FAM107B: variants seen among roughly 807,000 people sequenced by gnomAD.
FAM107B encodes family with sequence similarity 107 member B.
A neutral mutation model predicts 31.5 loss-of-function variants in FAM107B; 21 were observed. The ratio of observed to expected loss-of-function variants is 0.67; its 90% confidence interval spans 0.47 to 0.96. The LOEUF is 0.96. Among genes scored for constraint, FAM107B ranks in the 40% least tolerant of loss-of-function variants. The pLI is 0.00. For synonymous variants in FAM107B, 157 were observed against 141.5 expected, an observed-to-expected ratio of 1.11 and a Z score of -0.78; for missense variants, 452 against 377.1, an observed-to-expected ratio of 1.20 and a Z score of -1.64.
intron 1 of FAM107B, among the ~76,000 whole-genome samples, chr10:14,681,073 TTCTC>T (rs1854822751): frequency 6.6e-6 from 1 of 152,210 alleles, no homozygotes; most frequent in South Asian, 2.1e-4. Context: ...CTAGGTGACT[TTCTC>T]TATCACTTCT....
In FAM107B at chr10:14,611,484, T is replaced by TTATA. The variant is rs3035276; in HGVS notation, c.469+56146_469+56149dup. On this transcript the variant is annotated intron_variant, in intron 2 of 4. Coordinates refer to ENST00000181796, the MANE Select transcript of FAM107B (RefSeq NM_031453.4). ...ATTAATAACTAGTTGAATGCCAGTT[T>TTATA]TATATATATATATATATATATATAT... Among the ~76,000 whole-genome samples, 435 of 124,550 alleles carry TTATA rather than the reference T, an allele frequency of 3.5e-3. 2 individuals are homozygous for TTATA. Among genetic ancestry groups the TTATA allele is most frequent in the Non-Finnish European group, 4.2e-3 (253 of 60,782 alleles). The allele number at this position is 124,550 out of a possible 152,430, so 81.7% of individuals were successfully genotyped here. A position where few individuals can be genotyped will look rare whatever the true frequency, so the allele number is the denominator to read the frequency against.
chr10:14,727,180 A>C (rs1856054851), intron 1 of FAM107B, among the ~76,000 whole-genome samples: 1 of 152,148 alleles, frequency 6.6e-6, no homozygotes, highest in Non-Finnish European at 1.5e-5. Context: ...GTAAATACAG[A>C]TGAAGCTTCA....
intron 1 of FAM107B, among the ~76,000 whole-genome samples, chr10:14,763,204 G>C (rs1833092680): frequency 6.6e-6 from 1 of 152,216 alleles, no homozygotes; most frequent in African/African-American, 2.4e-5. Flanking sequence ...AGAGGTTGCA[G>C]TGAGCTGAGA....
At chr10:14,725,356 T>G (rs532797661) in intron 1 of FAM107B, among the ~76,000 whole-genome samples, 1 of 152,214 alleles carries the variant, frequency 6.6e-6, no homozygotes, top group East Asian at 1.9e-4. Flanking sequence ...GCAAGGTTTG[T>G]AAACCACAGA....
intron 1 of FAM107B, among the ~76,000 whole-genome samples, chr10:14,756,106 T>C (rs1832924957): frequency 6.6e-6 from 1 of 152,188 alleles, no homozygotes; most frequent in African/African-American, 2.4e-5. Flanking sequence ...TTAATAAATG[T>C]TTATTGAACA....
rs902030182 is a variant in FAM107B at position 14,730,357 on chromosome 10, T to A, written c.411+43896A>T. ...CCACTGAACTATGGTGAGGGTGCCC[T>A]GACCCGACTCTTGCCCAAGATGATA... On this transcript the variant is annotated intron_variant, in intron 1 of 4. Coordinates refer to ENST00000181796, the MANE Select transcript of FAM107B (RefSeq NM_031453.4). Among the ~76,000 whole-genome samples the A allele has an allele frequency of 2.6e-5, 4 of 152,328 alleles. No homozygotes were observed. In the East Asian group the frequency reaches 7.7e-4, roughly 29 times the overall value.
chr10:14,667,451 G>T (rs995833555), intron 2 of FAM107B, among the ~76,000 whole-genome samples, 183 bp downstream of exon 2: 2 of 152,202 alleles, frequency 1.3e-5, no homozygotes, highest in African/African-American at 4.8e-5. Flanking sequence ...GCTATTTTCT[G>T]CATCACAACC....
rs116102155 is a variant in FAM107B at position 14,738,115 on chromosome 10, T to C, written c.411+36138A>G. Among the ~76,000 whole-genome samples the C allele has an allele frequency of 9.6e-3, 1,468 of 152,222 alleles. 22 individuals carry two copies. Among genetic ancestry groups the C allele is most frequent in the African/African-American group, 0.034 (1,402 of 41,514 alleles). ...AATGTACAGCAGCCAGGGAGGAAGA[T>C]TTCCCCATTCTGCAGCAAAGGAAGC... On this transcript the variant is annotated intron_variant, in intron 1 of 4. Transcript: ENST00000181796.
chr10:14,749,424 C>A (rs1832785692), intron 1 of FAM107B, among the ~76,000 whole-genome samples: 1 of 152,128 alleles, frequency 6.6e-6, no homozygotes, highest in Admixed American at 6.5e-5. Context: ...TCTGGCAGTG[C>A]CTTGTTCCTT....
chr10:14,772,728 C>T (rs1352976857), intron 1 of FAM107B, among the ~76,000 whole-genome samples: 1 of 152,104 alleles, frequency 6.6e-6, no homozygotes, highest in Non-Finnish European at 1.5e-5. Context: ...CGCTGTGGAC[C>T]ACCCATGGCT....
intron 2 of FAM107B, among the ~76,000 whole-genome samples, chr10:14,577,075 A>G (rs1851488177): frequency 6.6e-6 from 1 of 152,220 alleles, no homozygotes; most frequent in Non-Finnish European, 1.5e-5. Flanking sequence ...CCATTCACTG[A>G]CAGAACACTG....
intron 1 of FAM107B, among the ~76,000 whole-genome samples, chr10:14,719,816 G>T (rs1855869235): frequency 7.1e-6 from 1 of 141,426 alleles, no homozygotes; most frequent in Non-Finnish European, 1.6e-5. Flanking sequence ...TCATCCAAAG[G>T]GTGGGAGCTG....
intron 2 of FAM107B, among the ~76,000 whole-genome samples, chr10:14,656,900 C>A (rs1442496942): frequency 6.6e-6 from 1 of 152,192 alleles, no homozygotes; most frequent in Non-Finnish European, 1.5e-5. Context: ...AAGTTCCATG[C>A]CTCCATTCCC....
intron 2 of FAM107B, among the ~76,000 whole-genome samples, chr10:14,653,176 C>T (rs1853946401): frequency 6.6e-6 from 1 of 152,176 alleles, no homozygotes; most frequent in Admixed American, 6.5e-5. Context: ...CAATTAAGGC[C>T]AAATACTAGA....
intron 1 of FAM107B, among the ~76,000 whole-genome samples, chr10:14,696,317 G>T (rs1855264051): frequency 6.6e-6 from 1 of 152,182 alleles, no homozygotes; most frequent in Non-Finnish European, 1.5e-5. Flanking sequence ...TTAAAACCAG[G>T]CTTGCATGCT....
At chr10:14,625,225 G>GAA (rs36086660) in intron 2 of FAM107B, among the ~76,000 whole-genome samples, 6 of 117,710 alleles carry the variant, frequency 5.1e-5, no homozygotes, top group East Asian at 2.5e-4. Context: ...GACTGTCTCA[G>GAA]AAAAAAAAAA....
At chr10:14,641,685 A>C (rs1853631738) in intron 2 of FAM107B, among the ~76,000 whole-genome samples, 1 of 152,176 alleles carries the variant, frequency 6.6e-6, no homozygotes, top group African/African-American at 2.4e-5. Context: ...TCATCACCTC[A>C]TCTGAACCTA....
intron 2 of FAM107B, among the ~76,000 whole-genome samples, chr10:14,558,027 G>C (rs1849851377): frequency 6.6e-6 from 1 of 152,232 alleles, no homozygotes; most frequent in Non-Finnish European, 1.5e-5. Flanking sequence ...CGTCTTTTGA[G>C]CTCCTCCCCG....
intron 2 of FAM107B, among the ~76,000 whole-genome samples, chr10:14,603,057 A>T (rs1852456211): frequency 6.6e-6 from 1 of 151,712 alleles, no homozygotes; most frequent in Non-Finnish European, 1.5e-5. Context: ...CCAAGTCATA[A>T]ATTAAGCAAA....
Sources: gnomAD v4.1 joint callset for allele counts (sites outside exome capture counted in the v4.1 genomes callset) on GRCh38, gnomAD v4.1.1 for gene constraint, MANE v1.5 for transcripts, NCBI Gene and HGNC (gene_info 2026-07-23, HGNC 2026-07-21) for gene names.